ATOSA: variants seen among roughly 807,000 people sequenced by gnomAD.
ATOSA encodes the protein atos homolog A.
At chr15:52,600,046 A>G in the ATOSA span, 1 of 572,178 alleles carries the variant, frequency 1.7e-6, no homozygotes, top group Non-Finnish European at 3.0e-6. Flanking sequence ...TTTCACAACC[A>G]AAGTTAAAGA....
chr15:52,661,655 G>A, the ATOSA span, among the ~76,000 whole-genome samples: 2 of 151,984 alleles, frequency 1.3e-5, no homozygotes, highest in Admixed American at 6.6e-5. Context: ...TTGTTTTGTT[G>A]TTGTTAGCAA....
At chr15:52,642,972 T>C in the ATOSA span, among the ~76,000 whole-genome samples, 20 of 151,952 alleles carry the variant, frequency 1.3e-4, no homozygotes, top group Admixed American at 6.6e-5. Context: ...ACAGCCCCTA[T>C]CTACCTTTTT....
At chr15:52,592,574 A>G in the ATOSA span, among the ~76,000 whole-genome samples, 1 of 152,228 alleles carries the variant, frequency 6.6e-6, no homozygotes, top group Non-Finnish European at 1.5e-5. Flanking sequence ...GAGGTGTCCA[A>G]TCTTTTGGCT....
At chr15:52,608,021 C>T in the ATOSA span, among the ~76,000 whole-genome samples, 1 of 152,210 alleles carries the variant, frequency 6.6e-6, no homozygotes, top group South Asian at 2.1e-4. Flanking sequence ...GTTGGGCCTA[C>T]AGGCATGTAC....
At chr15:52,605,101 T>C in the ATOSA span, 1 of 1,425,780 alleles carries the variant, frequency 7.0e-7, no homozygotes, top group East Asian at 2.3e-5. Context: ...GTATGTAAGT[T>C]CTAAGCATGA....
the ATOSA span, among the ~76,000 whole-genome samples, chr15:52,696,542 GTTTGC>G: frequency 6.6e-6 from 1 of 152,180 alleles, no homozygotes; most frequent in African/African-American, 2.4e-5. Context: ...TTCTGGAAAA[GTTTGC>G]TTTGATTTTC....
chr15:52,666,192 C>T, the ATOSA span, among the ~76,000 whole-genome samples: 1 of 152,160 alleles, frequency 6.6e-6, no homozygotes, highest in East Asian at 1.9e-4. Flanking sequence ...AAATTCCCTA[C>T]TATTTCATAA....
the ATOSA span, chr15:52,600,280 C>CTT: frequency 8.1e-6 from 9 of 1,113,838 alleles, no homozygotes; most frequent in Admixed American, 4.1e-5. Flanking sequence ...AGCCACAATA[C>CTT]TTTTTTTTTT....
chr15:52,664,406 A>G, the ATOSA span, among the ~76,000 whole-genome samples: 1 of 152,242 alleles, frequency 6.6e-6, no homozygotes, highest in Non-Finnish European at 1.5e-5. Flanking sequence ...CTTTGTGCCC[A>G]GGCATTGAGC....
At chr15:52,662,439 G>A in the ATOSA span, among the ~76,000 whole-genome samples, 1 of 152,228 alleles carries the variant, frequency 6.6e-6, no homozygotes, top group African/African-American at 2.4e-5. Flanking sequence ...AAAATAAATA[G>A]TGCAGCTTAC....
chr15:52,694,255 C>T, the ATOSA span, among the ~76,000 whole-genome samples: 2 of 151,802 alleles, frequency 1.3e-5, no homozygotes, highest in Admixed American at 1.3e-4. Context: ...CAACCTCCTC[C>T]TCATGGGTTC....
chr15:52,584,981 G>T, the ATOSA span: 1 of 1,502,256 alleles, frequency 6.7e-7, no homozygotes, highest in Non-Finnish European at 9.0e-7. Context: ...TTTAAAAATA[G>T]TGATTTGTTG....
chr15:52,605,646 T>C, the ATOSA span, among the ~76,000 whole-genome samples: 1 of 152,124 alleles, frequency 6.6e-6, no homozygotes, highest in African/African-American at 2.4e-5. Context: ...ATATACCAAT[T>C]GGAAAACAAT....
At chr15:52,594,659 AAT>A in the ATOSA span, among the ~76,000 whole-genome samples, 4 of 152,080 alleles carry the variant, frequency 2.6e-5, no homozygotes, top group Admixed American at 2.6e-4. Context: ...TTTGCCCTCT[AAT>A]CAATCCAATC....
the ATOSA span, among the ~76,000 whole-genome samples, chr15:52,583,369 T>G: frequency 0.098 from 14,722 of 150,518 alleles, 1,039 homozygotes; most frequent in East Asian, 0.36. Flanking sequence ...GGTATTCTTA[T>G]AGTCTGCTAT....
At chr15:52,690,882 T>C in the ATOSA span, among the ~76,000 whole-genome samples, 1 of 152,000 alleles carries the variant, frequency 6.6e-6, no homozygotes, top group Non-Finnish European at 1.5e-5. Flanking sequence ...TGAAGAAAAA[T>C]GGAGAAGATA....
At chr15:52,691,166 AT>A in the ATOSA span, among the ~76,000 whole-genome samples, 1 of 151,114 alleles carries the variant, frequency 6.6e-6, no homozygotes. Context: ...TTTAGTTATT[AT>A]TTTAGTGGAG....
At chr15:52,632,278 T>C in the ATOSA span, among the ~76,000 whole-genome samples, 1 of 152,244 alleles carries the variant, frequency 6.6e-6, no homozygotes, top group Non-Finnish European at 1.5e-5. Flanking sequence ...AGATGATCTA[T>C]TGCTTGAGAA....
At chr15:52,695,768 G>A in the ATOSA span, among the ~76,000 whole-genome samples, 1 of 152,182 alleles carries the variant, frequency 6.6e-6, no homozygotes, top group South Asian at 2.1e-4. Context: ...ATTGGAAGGA[G>A]GTTAAGGGAG....
Sources: gnomAD v4.1 joint callset for allele counts (sites outside exome capture counted in the v4.1 genomes callset) on GRCh38, gnomAD v4.1.1 for gene constraint, MANE v1.5 for transcripts, NCBI Gene and HGNC (gene_info 2026-07-23, HGNC 2026-07-21) for gene names.